RALGPS1: variants seen among roughly 807,000 people sequenced by gnomAD.
RALGPS1 encodes the protein ras-specific guanine nucleotide-releasing factor RalGPS1.
RALGPS1 carries 19 observed loss-of-function variants against 78.8 expected under a neutral mutation model. That is an observed-to-expected ratio of 0.24 (90% CI 0.17 to 0.35). The LOEUF (loss-of-function observed/expected upper bound fraction) is 0.35. Among genes scored for constraint, RALGPS1 ranks in the 10% least tolerant of loss-of-function variants. RALGPS1 has a pLI of 1.00. For synonymous variants in RALGPS1, 228 were observed against 256.3 expected (o/e 0.89, Z 1.06); for missense variants, 454 against 688.3 (o/e 0.66, Z 3.81).
At chr9:127,071,235 T>C (rs966374154) in intron 8 of RALGPS1, among the ~76,000 whole-genome samples, 1 of 152,118 alleles carries the variant, frequency 6.6e-6, no homozygotes, top group African/African-American at 2.4e-5. Context: ...GAGGTTTGTC[T>C]ATTGGTCTTT....
At chr9:126,936,494 G>A (rs1307066280) in intron 1 of RALGPS1, among the ~76,000 whole-genome samples, 1 of 152,078 alleles carries the variant, frequency 6.6e-6, no homozygotes, top group Non-Finnish European at 1.5e-5. Flanking sequence ...TAATGAAAAT[G>A]TGAGGTACTT....
chr9:127,099,859 G>T (rs749003031), intron 8 of RALGPS1, among the ~76,000 whole-genome samples: 1 of 152,232 alleles, frequency 6.6e-6, no homozygotes, highest in African/African-American at 2.4e-5. Context: ...AAATGCTTGT[G>T]CCTGCTTTCA....
chr9:126,920,103 G>A (rs1417981027), intron 1 of RALGPS1, among the ~76,000 whole-genome samples: 8 of 150,482 alleles, frequency 5.3e-5, no homozygotes, highest in Non-Finnish European at 1.2e-4. Context: ...ACTCTGCACA[G>A]GGAAAGTCTC....
At chr9:126,919,243 T>TA (rs1251641113) in intron 1 of RALGPS1, among the ~76,000 whole-genome samples, 1 of 152,240 alleles carries the variant, frequency 6.6e-6, no homozygotes, top group East Asian at 1.9e-4. Flanking sequence ...TTTTGACTGA[T>TA]ATAAGCATAA....
intron 4 of RALGPS1, among the ~76,000 whole-genome samples, chr9:126,995,922 T>C (rs963176390): frequency 4.0e-5 from 6 of 151,668 alleles, no homozygotes; most frequent in African/African-American, 1.4e-4. Flanking sequence ...AACCTGCTCC[T>C]GAATGACTAT....
chr9:127,191,978 T>C (rs2061085377), intron 11 of RALGPS1, among the ~76,000 whole-genome samples: 1 of 152,214 alleles, frequency 6.6e-6, no homozygotes, highest in South Asian at 2.1e-4. Context: ...ATTAGAGGCG[T>C]GAGCCACGGC....
intron 4 of RALGPS1, among the ~76,000 whole-genome samples, chr9:127,024,027 ACT>A (rs1339065858): frequency 2.1e-5 from 2 of 96,224 alleles, no homozygotes; most frequent in African/African-American, 1.0e-4. Flanking sequence ...ACAGAGTAAG[ACT>A]CTGTCTCAAA....
chr9:126,951,366 A>C (rs1442388472), intron 1 of RALGPS1, among the ~76,000 whole-genome samples: 1 of 150,104 alleles, frequency 6.7e-6, no homozygotes, highest in African/African-American at 2.4e-5. Flanking sequence ...ACACAACCAA[A>C]AAAGAGAATT....
At chr9:127,065,077 C>G (rs2049571373) in intron 7 of RALGPS1, among the ~76,000 whole-genome samples, 1 of 151,994 alleles carries the variant, frequency 6.6e-6, no homozygotes, top group Non-Finnish European at 1.5e-5. Context: ...ATAGCTGGGA[C>G]TACAAGTGTG....
chr9:127,139,462 A>C (rs906000116), intron 8 of RALGPS1, among the ~76,000 whole-genome samples: 11 of 152,224 alleles, frequency 7.2e-5, no homozygotes, highest in African/African-American at 2.7e-4. Context: ...GACAAACAGG[A>C]CCAGTAGTGG....
chr9:126,978,976 C>T (rs1407625621), intron 4 of RALGPS1, among the ~76,000 whole-genome samples: 1 of 152,130 alleles, frequency 6.6e-6, no homozygotes, highest in Non-Finnish European at 1.5e-5. Context: ...AGGTTCAGAC[C>T]TCAGAGGAGA....
chr9:126,918,192 A>G (rs2034372922), intron 1 of RALGPS1, among the ~76,000 whole-genome samples: 1 of 152,236 alleles, frequency 6.6e-6, no homozygotes, highest in Non-Finnish European at 1.5e-5. Context: ...AACATAAAAG[A>G]CAAAAGTTGT....
At chr9:126,960,694 T>C (rs1310088223) in intron 1 of RALGPS1, among the ~76,000 whole-genome samples, 2 of 152,208 alleles carry the variant, frequency 1.3e-5, no homozygotes, top group Non-Finnish European at 2.9e-5. Flanking sequence ...CAAATCATTT[T>C]TCGCAGTGAC....
At chr9:126,919,419 G>T (rs568529970) in intron 1 of RALGPS1, among the ~76,000 whole-genome samples, 1 of 152,328 alleles carries the variant, frequency 6.6e-6, no homozygotes, top group South Asian at 2.1e-4. Context: ...ATGCAAGGCG[G>T]AGTACAGAAA....
At chr9:127,171,816 G>C (rs2059582873) in intron 10 of RALGPS1, among the ~76,000 whole-genome samples, 1 of 152,130 alleles carries the variant, frequency 6.6e-6, no homozygotes, top group African/African-American at 2.4e-5. Flanking sequence ...GAGTCAATAA[G>C]TTTTATTTTA....
chr9:126,997,105 C>A (rs890123904), intron 4 of RALGPS1, among the ~76,000 whole-genome samples: 1 of 152,200 alleles, frequency 6.6e-6, no homozygotes, highest in Non-Finnish European at 1.5e-5. Context: ...TGGAAGCATT[C>A]CCTTTGAAAA....
At chr9:127,148,993 A>C (rs749826422) in intron 8 of RALGPS1, among the ~76,000 whole-genome samples, 1 of 152,172 alleles carries the variant, frequency 6.6e-6, no homozygotes. Flanking sequence ...CAGTGACCTC[A>C]TATACACCTC....
At chr9:126,992,577 T>C (rs1273706504) in intron 4 of RALGPS1, among the ~76,000 whole-genome samples, 1 of 152,228 alleles carries the variant, frequency 6.6e-6, no homozygotes, top group Non-Finnish European at 1.5e-5. Context: ...TTGACTGTGA[T>C]TGTGTTGAAT....
intron 8 of RALGPS1, among the ~76,000 whole-genome samples, chr9:127,101,500 C>T (rs1056918504): frequency 1.3e-5 from 2 of 152,128 alleles, no homozygotes; most frequent in Admixed American, 6.5e-5. Context: ...CTTGACCCTC[C>T]ATCCTTCACC....
Sources: allele counts gnomAD v4.1 joint callset (sites outside exome capture counted in the v4.1 genomes callset), GRCh38; gene constraint gnomAD v4.1.1; transcripts MANE v1.5; gene names NCBI Gene and HGNC (gene_info 2026-07-23, HGNC 2026-07-21).